Variants in UIMC1 observed in about 807,000 individuals in gnomAD.
The protein encoded by UIMC1 is ubiquitin interaction motif containing 1, also known as BRCA1-A complex subunit RAP80.
UIMC1 carries 42 observed loss-of-function variants against 84.9 expected under a neutral mutation model. The ratio of observed to expected loss-of-function variants is 0.49; its 90% CI spans 0.39 to 0.64. The LOEUF (loss-of-function observed/expected upper bound fraction) is 0.64. UIMC1 is among the 30% of genes least tolerant of loss of function. The pLI, the probability that UIMC1 is intolerant of heterozygous loss-of-function variation, is 0.00. For synonymous variants in UIMC1, 281 were observed against 293.0 expected (o/e 0.96, Z 0.42); for missense variants, 825 against 847.6 (o/e 0.97, Z 0.33).
chr5:176,979,088 A>G (rs1304391471), intron 2 of UIMC1, among the ~76,000 whole-genome samples: 1 of 152,228 alleles, frequency 6.6e-6, no homozygotes, highest in East Asian at 1.9e-4. Flanking sequence ...TATGTGACAG[A>G]TTAACGGAAG....
chr5:176,949,058 G>A (rs947638541), intron 9 of UIMC1, among the ~76,000 whole-genome samples: 2 of 150,910 alleles, frequency 1.3e-5, no homozygotes, highest in African/African-American at 4.9e-5. Context: ...GTGTAATCTT[G>A]GTCTAGTAGT....
At chr5:176,955,732 T>A (rs1009129546) in intron 8 of UIMC1, among the ~76,000 whole-genome samples, 7 of 152,142 alleles carry the variant, frequency 4.6e-5, no homozygotes, top group Non-Finnish European at 7.4e-5. Context: ...TCATGTTAAT[T>A]TCAAAACTAA....
chr5:176,913,708 G>C (rs972067474), intron 10 of UIMC1, among the ~76,000 whole-genome samples: 2 of 152,216 alleles, frequency 1.3e-5, no homozygotes, highest in African/African-American at 2.4e-5. Context: ...TGGGTGCAGC[G>C]GCTCACGCCT....
intron 1 of UIMC1, among the ~76,000 whole-genome samples, chr5:176,985,154 T>C (rs551161429): frequency 9.9e-5 from 15 of 152,268 alleles, no homozygotes; most frequent in African/African-American, 2.9e-4. Flanking sequence ...ATGGTTTTTT[T>C]TTCTATAGAG....
At chr5:176,972,122 C>T (rs1769328388) in intron 3 of UIMC1, among the ~76,000 whole-genome samples, 1 of 152,086 alleles carries the variant, frequency 6.6e-6, no homozygotes, top group Admixed American at 6.5e-5. Context: ...TATTACAGGC[C>T]AGGCGCGGTG....
chr5:176,974,431 T>C (rs1228475274), intron 3 of UIMC1, among the ~76,000 whole-genome samples: 2 of 151,992 alleles, frequency 1.3e-5, no homozygotes, highest in African/African-American at 2.4e-5. Flanking sequence ...GCTAAAACTA[T>C]AAAATTTCCA....
chr5:176,922,295 G>A (rs1371571670), intron 10 of UIMC1, among the ~76,000 whole-genome samples: 2 of 152,180 alleles, frequency 1.3e-5, no homozygotes, highest in African/African-American at 4.8e-5. Context: ...TACCAACTGG[G>A]TTGTCAGTAA....
At position 177,006,653 on chromosome 5, in the gene UIMC1, C is replaced by G. The variant is rs528415840; in HGVS notation, c.-12G>C. On this transcript the variant is annotated 5_prime_UTR_variant, in exon 1 of 15. Transcript: ENST00000511320. ...TGCGCAGGCGGCGGGTACTCACTCG[C>G]TGGCGCAGGCCGCTCTGTAGACCTT... is the stretch of plus-strand genomic sequence containing the variant. 139 of 152,288 alleles carry G rather than the reference C, an allele frequency of 9.1e-4. 2 individuals carry two copies. The highest frequency in any genetic ancestry group is 3.1e-3 in the African/African-American group (128 of 41,582). The allele number at this position is 152,288 out of a possible 1,614,324, so 9.4% of individuals were successfully genotyped here.
intron 10 of UIMC1, among the ~76,000 whole-genome samples, chr5:176,933,291 T>C (rs1352373250): frequency 6.6e-6 from 1 of 152,140 alleles, no homozygotes; most frequent in African/African-American, 2.4e-5. Flanking sequence ...ATTGACTTTT[T>C]AAAAAACAAA....
intron 10 of UIMC1, among the ~76,000 whole-genome samples, chr5:176,915,458 A>AT (rs554389479): frequency 0.13 from 18,554 of 144,370 alleles, 2,666 homozygotes; most frequent in African/African-American, 0.36. Context: ...ACAGTAAATA[A>AT]TTTTTTTTTT....
At chr5:176,981,691 C>T (rs1267218825) in intron 2 of UIMC1, among the ~76,000 whole-genome samples, 1 of 151,794 alleles carries the variant, frequency 6.6e-6, no homozygotes, top group Non-Finnish European at 1.5e-5. Context: ...GTCCCAACTA[C>T]ATGGGAGGCT....
At chr5:177,019,370 T>G (rs977596169) in intron 1 of UIMC1, among the ~76,000 whole-genome samples, 1 of 152,146 alleles carries the variant, frequency 6.6e-6, no homozygotes, top group African/African-American at 2.4e-5. Context: ...GGTGTGTGGT[T>G]CACACCAGGA....
chr5:177,010,652 G>A (rs539307596), upstream of UIMC1, among the ~76,000 whole-genome samples: 2 of 152,148 alleles, frequency 1.3e-5, no homozygotes, highest in South Asian at 4.2e-4. Context: ...CTCCTGAGTA[G>A]CTGGGATTAC....
chr5:176,960,907 G>A (rs1561830495), intron 6 of UIMC1, among the ~76,000 whole-genome samples: 1 of 57,496 alleles, frequency 1.7e-5, no homozygotes, highest in Non-Finnish European at 3.1e-5. Flanking sequence ...TGCCGGGATT[G>A]CAGACGGAGT....
chr5:176,944,318 A>G (rs1377185201), intron 9 of UIMC1, among the ~76,000 whole-genome samples: 1 of 152,230 alleles, frequency 6.6e-6, no homozygotes, highest in Non-Finnish European at 1.5e-5. Flanking sequence ...TCTTAAACCT[A>G]TCTCTTATTC....
intron 1 of UIMC1, among the ~76,000 whole-genome samples, chr5:177,016,796 G>A (rs1775683161): frequency 1.3e-5 from 2 of 152,090 alleles, no homozygotes; most frequent in Admixed American, 6.6e-5. Flanking sequence ...GCCGAGGCAG[G>A]TGAATCACCT....
intron 13 of UIMC1, 198 bp from the exon 14 acceptor site, chr5:176,906,245 A>C (rs1181370901): frequency 1.8e-6 from 1 of 554,944 alleles, no homozygotes; most frequent in African/African-American, 1.9e-5. Context: ...ACTCAGATGA[A>C]CACTTTTGAA....
intron 1 of UIMC1, among the ~76,000 whole-genome samples, chr5:176,991,452 G>C (rs1430445140): frequency 6.6e-6 from 1 of 151,948 alleles, no homozygotes; most frequent in Non-Finnish European, 1.5e-5. Flanking sequence ...AAATTGAGAA[G>C]ACAGATCTGA....
At chr5:176,988,747 G>A (rs1017556423) in intron 1 of UIMC1, among the ~76,000 whole-genome samples, 6 of 148,442 alleles carry the variant, frequency 4.0e-5, no homozygotes, top group East Asian at 2.0e-4. Flanking sequence ...GCAGTGGTGC[G>A]ATCTCTGCTC....
Sources: allele counts gnomAD v4.1 joint callset (sites outside exome capture counted in the v4.1 genomes callset), GRCh38; gene constraint gnomAD v4.1.1; transcripts MANE v1.5; gene names NCBI Gene and HGNC (gene_info 2026-07-23, HGNC 2026-07-21).